The following UBE3A variants were observed in gnomAD, a reference collection of about 807,000 sequenced individuals.
UBE3A encodes ubiquitin-protein ligase E3A.
In UBE3A, 6 loss-of-function variants were observed where a neutral mutation model predicts 83.4. The observed-to-expected ratio is 0.07, with a 90% CI of 0.04 to 0.14. The LOEUF (loss-of-function observed/expected upper bound fraction) is 0.14. UBE3A is among the 10% of genes least tolerant of loss of function. The pLI is 1.00. For synonymous variants in UBE3A, 337 were observed against 355.4 expected (o/e 0.95, Z 0.58); for missense variants, 456 against 1,036.1 (o/e 0.44, Z 7.69).
chr15:25,367,381 T>C (rs976348352), intron 6 of UBE3A, among the ~76,000 whole-genome samples: 1 of 151,806 alleles, frequency 6.6e-6, no homozygotes, highest in African/African-American at 2.4e-5. Flanking sequence ...CCTCATCACA[T>C]TAGGAATGTC....
At chr15:25,355,840 G>T in intron 9 of UBE3A, 52 bp downstream of exon 9, 1 of 1,521,994 alleles carries the variant, frequency 6.6e-7, no homozygotes. Flanking sequence ...AAGCATACAT[G>T]CTTTGAAAGT....
At chr15:25,366,662 C>T (rs2079148569) in intron 6 of UBE3A, among the ~76,000 whole-genome samples, 2 of 152,150 alleles carry the variant, frequency 1.3e-5, no homozygotes, top group South Asian at 2.1e-4. Context: ...CTATTCCAAG[C>T]TTGCTGTCCC....
chr15:25,350,909 G>C lies in UBE3A; in HGVS notation c.2354+3444C>G, dbSNP rs2076404244. Among the ~76,000 whole-genome samples the C allele has an allele frequency of 2.0e-5, 3 of 152,194 alleles. No individual in the cohort carries two copies. In the South Asian group the frequency reaches 6.2e-4, roughly 32 times the overall value. On this transcript the variant is annotated intron_variant, in intron 11 of 12. Transcript: ENST00000648336. ...GGACAGTTATTGTCTGTTCTAATGG[G>C]GGATGGAGATTCACTGGAAGGGAAA...
chr15:25,375,167 T>C, intron 5 of UBE3A: 1 of 349,154 alleles, frequency 2.9e-6, no homozygotes, highest in South Asian at 3.0e-5. Flanking sequence ...CTTAAATAGA[T>C]GTTGTGGCCT....
chr15:25,339,755 T>TA (rs1359060741), intron 12 of UBE3A: 3 of 366,416 alleles, frequency 8.2e-6, no homozygotes, highest in Admixed American at 4.2e-5. Context: ...AATCAAATGA[T>TA]AATCTTCCGA....
chr15:25,379,373 C>T (rs2081778737), intron 4 of UBE3A, among the ~76,000 whole-genome samples: 1 of 152,062 alleles, frequency 6.6e-6, no homozygotes, highest in African/African-American at 2.4e-5. Context: ...TTGAACTCAG[C>T]TACTAAACTT....
chr15:25,414,094 T>C (rs1353562172), intron 1 of UBE3A, among the ~76,000 whole-genome samples: 3 of 152,190 alleles, frequency 2.0e-5, no homozygotes, highest in African/African-American at 7.2e-5. Context: ...AACTACATAT[T>C]ACCAACGGTA....
intron 4 of UBE3A, among the ~76,000 whole-genome samples, chr15:25,386,531 C>CA (rs1484071345): frequency 6.6e-6 from 1 of 151,766 alleles, no homozygotes; most frequent in Non-Finnish European, 1.5e-5. Context: ...CAAACAAAAA[C>CA]AAAAAACAGA....
chr15:25,413,452 A>G (rs1430889506), intron 1 of UBE3A, among the ~76,000 whole-genome samples: 1 of 152,116 alleles, frequency 6.6e-6, no homozygotes. Context: ...ATTTATGGAT[A>G]ATGCTACTTA....
chr15:25,395,477 G>A (rs1360052982), intron 4 of UBE3A, among the ~76,000 whole-genome samples: 1 of 152,110 alleles, frequency 6.6e-6, no homozygotes, highest in African/African-American at 2.4e-5. Context: ...GGAAGGTGTA[G>A]CCAACAAGAT....
chr15:25,340,294 T>G (rs2074527529), intron 11 of UBE3A, 66 bp from the exon 12 acceptor site: 1 of 1,535,048 alleles, frequency 6.5e-7, no homozygotes, highest in African/African-American at 1.4e-5. Flanking sequence ...TAACATAAGC[T>G]TATGATTTGC....
At chr15:25,421,321 C>G (rs1889729358) in intron 1 of UBE3A, among the ~76,000 whole-genome samples, 1 of 152,220 alleles carries the variant, frequency 6.6e-6, no homozygotes, top group Non-Finnish European at 1.5e-5. Context: ...ATGGTGGCGC[C>G]ATGCTTGTAC....
At chr15:25,366,922 G>GCTAA (rs1383298635) in intron 6 of UBE3A, among the ~76,000 whole-genome samples, 1 of 151,946 alleles carries the variant, frequency 6.6e-6, no homozygotes, top group Non-Finnish European at 1.5e-5. Flanking sequence ...TAAACCTCTA[G>GCTAA]AGGTTAGGGC....
intron 4 of UBE3A, among the ~76,000 whole-genome samples, chr15:25,386,854 A>G (rs995498658): frequency 6.6e-6 from 1 of 152,200 alleles, no homozygotes; most frequent in Non-Finnish European, 1.5e-5. Context: ...TTATTATTCA[A>G]AAGTTAAAAA....
chr15:25,418,372 T>TGGGAACTGAAAACAGCC (rs1888003393), intron 1 of UBE3A: 1 of 152,156 alleles, frequency 6.6e-6, no homozygotes, highest in Admixed American at 6.6e-5. Context: ...TTATAATAGC[T>TGGGAACTGAAAACAGCC]GGGAACTGAA....
At chr15:25,344,693 C>CT (rs1399057725) in intron 11 of UBE3A, among the ~76,000 whole-genome samples, 1 of 152,170 alleles carries the variant, frequency 6.6e-6, no homozygotes, top group East Asian at 1.9e-4. Context: ...TAACTCCTTA[C>CT]TCTAAAAACC....
rs1383384789 is a variant in UBE3A at position 25,420,341 on chromosome 15, AAAGACTTTGCTTC to A, written c.-164-8383_-164-8371del. On this transcript the variant is annotated intron_variant, in intron 1 of 12. Coordinates refer to ENST00000648336, the MANE Select transcript of UBE3A (RefSeq NM_130839.5). The stretch of plus-strand genomic sequence containing the variant: ...TGAACACACCTAAGGACACAACTTT[AAAGACTTTGCTTC>A]AAAGCATATGAAGAAAAAATGAACA... 5.9e-5 allele frequency among the ~76,000 whole-genome samples: 9 copies of A among 152,182 alleles called. No homozygotes were observed. The East Asian group carries it at 1.7e-3, about 29-fold the overall frequency.
chr15:25,339,074 A>G lies in UBE3A; in HGVS notation c.*63T>C, dbSNP rs139820860. ...ATTTATCCCTCGTTATATTTTTAAA[A>G]TTTTTTAAATTTTTTCTTTTTTTTT... is the stretch of plus-strand genomic sequence containing the variant. On this transcript the variant is annotated 3_prime_UTR_variant, in exon 13 of 13. Coordinates refer to ENST00000648336, the MANE Select transcript of UBE3A (RefSeq NM_130839.5). The G allele has an allele frequency of 1.2e-4, 181 of 1,463,988 alleles. No individual in the cohort carries two copies. The African/African-American group carries it at 2.0e-3, about 16-fold the overall frequency. The allele number at this position is 1,463,988 out of a possible 1,614,324, so 90.7% of individuals were successfully genotyped here.
intron 1 of UBE3A, among the ~76,000 whole-genome samples, chr15:25,430,137 AT>A (rs1260885198): frequency 1.6e-5 from 1 of 62,912 alleles, no homozygotes; most frequent in African/African-American, 9.3e-5. Context: ...TTATATATAT[AT>A]TATATATATA....
Sources: gnomAD v4.1 joint callset for allele counts (sites outside exome capture counted in the v4.1 genomes callset) on GRCh38, gnomAD v4.1.1 for gene constraint, MANE v1.5 for transcripts, NCBI Gene and HGNC (gene_info 2026-07-23, HGNC 2026-07-21) for gene names.